IMMP2L: variants seen among roughly 807,000 people sequenced by gnomAD.
IMMP2L encodes the protein mitochondrial inner membrane protease subunit 2.
IMMP2L carries 18 observed loss-of-function variants against 19.3 expected under a neutral mutation model. That is an observed-to-expected ratio of 0.93 (90% confidence interval 0.64 to 1.38). The LOEUF is 1.38. Ranked by LOEUF, IMMP2L falls within the 40% of genes most tolerant of loss-of-function variation. IMMP2L has a pLI of 0.00. For missense variants in IMMP2L, 233 were observed against 218.2 expected, an observed-to-expected ratio of 1.07 and a Z score of -0.43; for synonymous variants, 76 against 73.0, an observed-to-expected ratio of 1.04 and a Z score of -0.21.
intron 2 of IMMP2L, among the ~76,000 whole-genome samples, chr7:111,500,277 G>A (rs528320432): frequency 3.9e-5 from 6 of 152,242 alleles, no homozygotes; most frequent in South Asian, 2.1e-4. Context: ...TGCCATTGCC[G>A]AGGCTCGATT....
At chr7:110,998,890 A>G (rs1225466107) in intron 3 of IMMP2L, among the ~76,000 whole-genome samples, 1 of 152,172 alleles carries the variant, frequency 6.6e-6, no homozygotes, top group Non-Finnish European at 1.5e-5. Flanking sequence ...ATGTTAACAA[A>G]CTTACAGCAA....
intron 3 of IMMP2L, among the ~76,000 whole-genome samples, chr7:111,032,140 TA>T (rs1490238282): frequency 1.3e-5 from 2 of 152,164 alleles, no homozygotes; most frequent in Admixed American, 1.3e-4. Context: ...AAGGTTTCGC[TA>T]TGTTGCCTAG....
intron 5 of IMMP2L, among the ~76,000 whole-genome samples, chr7:110,681,901 GA>G (rs1168337154): frequency 6.6e-6 from 1 of 150,700 alleles, no homozygotes; most frequent in East Asian, 2.0e-4. Flanking sequence ...TCAATCTGAA[GA>G]AAAAAAAATG....
chr7:111,223,793 C>A (rs944417005), intron 3 of IMMP2L, among the ~76,000 whole-genome samples: 4 of 152,184 alleles, frequency 2.6e-5, no homozygotes, highest in Middle Eastern at 3.4e-3. Flanking sequence ...AAGTAACCTT[C>A]ATGGTTACAA....
chr7:110,751,211 G>C (rs1209610160), intron 5 of IMMP2L, among the ~76,000 whole-genome samples: 1 of 150,802 alleles, frequency 6.6e-6, no homozygotes, highest in East Asian at 1.9e-4. Flanking sequence ...ATCTTTAGGA[G>C]ACAGTCATTA....
At chr7:110,946,718 C>CTTTTTTTTT (rs754971058) in intron 4 of IMMP2L, among the ~76,000 whole-genome samples, 6 of 114,174 alleles carry the variant, frequency 5.3e-5, no homozygotes, top group Non-Finnish European at 8.4e-5. Flanking sequence ...CATTTAATAC[C>CTTTTTTTTT]TTTTTTTTTT....
intron 3 of IMMP2L, among the ~76,000 whole-genome samples, chr7:111,434,188 A>C (rs1836904229): frequency 6.6e-6 from 1 of 151,844 alleles, no homozygotes; most frequent in Non-Finnish European, 1.5e-5. Context: ...TATACACTGA[A>C]AAAGTTCTAT....
intron 3 of IMMP2L, among the ~76,000 whole-genome samples, chr7:111,386,659 A>C (rs1584904621): frequency 6.6e-6 from 1 of 152,230 alleles, no homozygotes; most frequent in South Asian, 2.1e-4. Context: ...ATAAACTGTA[A>C]ATACATTTAA....
At chr7:111,055,455 C>A (rs1170015711) in intron 3 of IMMP2L, among the ~76,000 whole-genome samples, 1 of 152,176 alleles carries the variant, frequency 6.6e-6, no homozygotes, top group African/African-American at 2.4e-5. Context: ...TCTTTGGAAG[C>A]CTGTTTCCAT....
chr7:111,112,379 C>T (rs1477311822), intron 3 of IMMP2L, among the ~76,000 whole-genome samples: 1 of 152,156 alleles, frequency 6.6e-6, no homozygotes, highest in Non-Finnish European at 1.5e-5. Context: ...TCTGTCACTT[C>T]GTACTTCAGA....
intron 3 of IMMP2L, among the ~76,000 whole-genome samples, chr7:111,218,514 C>T (rs377437080): frequency 5.7e-4 from 87 of 151,586 alleles, no homozygotes; most frequent in Middle Eastern, 3.4e-3. Context: ...CCCCAGGCAA[C>T]GTAAATAAAA....
At chr7:111,345,700 C>G (rs949623475) in intron 3 of IMMP2L, among the ~76,000 whole-genome samples, 2 of 152,080 alleles carry the variant, frequency 1.3e-5, no homozygotes, top group African/African-American at 4.8e-5. Context: ...TAGTGGCTAA[C>G]AAGTCTAGCT....
At position 111,458,694 on chromosome 7, in the gene IMMP2L, T is replaced by C. The variant is rs140729591; in HGVS notation, c.239+28544A>G. On this transcript the variant is annotated intron_variant, in intron 3 of 5. Transcript: ENST00000405709. ...CAGCATCCCCCTTTGATTCTCTGCC[T>C]ATATTCTCCTTCATCTTGATTCACT... Among the ~76,000 whole-genome samples, 80 of 152,274 alleles carry C rather than the reference T, an allele frequency of 5.3e-4. 2 individuals are homozygous for C. The East Asian group carries it at 0.014, about 26-fold the overall frequency.
At chr7:110,892,344 T>A (rs370380925) in intron 4 of IMMP2L, among the ~76,000 whole-genome samples, 1 of 152,072 alleles carries the variant, frequency 6.6e-6, no homozygotes, top group Non-Finnish European at 1.5e-5. Context: ...TTCAACCCCA[T>A]TGAATTCCCA....
At chr7:111,412,095 A>G (rs936871290) in intron 3 of IMMP2L, among the ~76,000 whole-genome samples, 1 of 151,820 alleles carries the variant, frequency 6.6e-6, no homozygotes, top group African/African-American at 2.4e-5. Flanking sequence ...GGAGTAAGCT[A>G]TAAAATGACA....
chr7:110,791,193 G>T (rs1200988016), intron 5 of IMMP2L, among the ~76,000 whole-genome samples: 2 of 151,640 alleles, frequency 1.3e-5, no homozygotes, highest in Non-Finnish European at 2.9e-5. Flanking sequence ...AATAGAAAAA[G>T]AATTTGTAAG....
intron 3 of IMMP2L, chr7:111,099,791 A>G (rs1797776738): frequency 6.6e-6 from 1 of 151,738 alleles, no homozygotes; most frequent in Non-Finnish European, 1.5e-5. Context: ...ATCATGAATA[A>G]CCTAACATGT....
intron 4 of IMMP2L, among the ~76,000 whole-genome samples, chr7:110,932,398 G>T (rs955368833): frequency 1.3e-5 from 2 of 151,988 alleles, no homozygotes; most frequent in African/African-American, 4.8e-5. Flanking sequence ...CTGTCGCCCA[G>T]GCTGGAGTGC....
chr7:110,756,955 T>G (rs1584736589), intron 5 of IMMP2L, among the ~76,000 whole-genome samples: 1 of 152,204 alleles, frequency 6.6e-6, no homozygotes, highest in Non-Finnish European at 1.5e-5. Flanking sequence ...ATACATTTTA[T>G]TTGTATGTAT....
Sources: gnomAD v4.1 joint callset for allele counts (sites outside exome capture counted in the v4.1 genomes callset) on GRCh38, gnomAD v4.1.1 for gene constraint, MANE v1.5 for transcripts, NCBI Gene and HGNC (gene_info 2026-07-23, HGNC 2026-07-21) for gene names.